Variants in ABCC6 observed in about 807,000 individuals in gnomAD.
The protein encoded by ABCC6 is ATP binding cassette subfamily C member 6.
A neutral mutation model predicts 169.5 loss-of-function variants in ABCC6; 126 were observed. The ratio of observed to expected loss-of-function variants is 0.74; its 90% CI spans 0.64 to 0.86. The LOEUF is 0.86. ABCC6 is among the 40% of genes least tolerant of loss of function. The pLI is 0.00. For missense variants in ABCC6, 1,733 were observed against 1,927.2 expected (o/e 0.90, Z 1.89); for synonymous variants, 752 against 814.7 (o/e 0.92, Z 1.31).
At chr16:16,189,499 C>T (rs1395018315) in intron 12 of ABCC6, among the ~76,000 whole-genome samples, 8 of 151,322 alleles carry the variant, frequency 5.3e-5, no homozygotes, top group African/African-American at 1.9e-4. Context: ...CTCACTGCAA[C>T]CTCTGCCTCC....
At chr16:16,201,174 C>T (rs1158974941) in intron 9 of ABCC6, among the ~76,000 whole-genome samples, 1 of 152,076 alleles carries the variant, frequency 6.6e-6, no homozygotes, top group Admixed American at 6.6e-5. Flanking sequence ...GCCATGTTGG[C>T]CAGGCTGGTC....
Position 16,188,835 on chromosome 16 carries a change from A to C in ABCC6, c.1775T>G (p.Val592Gly), listed in dbSNP as rs753035055. The change falls in exon 13 of 31, where the codon GTC (valine) becomes GGC (glycine). Residue 592 changes from valine (V) to glycine (G), a missense_variant. This residue lies in a region of ABCC6 where 1,601 missense variants were observed against 1,635.5 expected (regional missense o/e 0.98). Transcript: ENST00000205557. Reference sequence around the variant, plus strand: ...CAGCCCTTGCACCCACCTCACCTGGACGAGGGAGTGGATGGAGAAGGGCAG... The same window carrying C: ...CAGCCCTTGCACCCACCTCACCTGGCCGAGGGAGTGGATGGAGAAGGGCAG... ...AFLPFSIHSL[V>G]QARVSFDRLV... 1.2e-6 allele frequency: 2 copies of C among 1,613,696 alleles called. No individual in the cohort carries two copies. Among genetic ancestry groups the C allele is most frequent in the Non-Finnish European group, 1.7e-6 (2 of 1,179,848 alleles).
chr16:16,191,335 T>A (rs1200367712), intron 11 of ABCC6, among the ~76,000 whole-genome samples: 1 of 152,086 alleles, frequency 6.6e-6, no homozygotes, highest in East Asian at 1.9e-4. Context: ...AGGCTGGTTT[T>A]GAACTCCTGA....
rs1402343726 is a variant in ABCC6 at position 16,178,648 on chromosome 16, A to C, written c.2415+150T>G. On this transcript the variant is annotated intron_variant, in intron 18 of 30. Transcript: ENST00000205557. ...CTGGGATCTGGGGGTTGTTTGTTAC[A>C]TAGCATTGTCACAGCAAAAGCTGAC... 21 of 909,594 alleles carry C rather than the reference A, an allele frequency of 2.3e-5. 1 individual carries two copies. The South Asian group carries it at 2.6e-4, about 11-fold the overall frequency. 56.3% of individuals were successfully genotyped at this position (909,594 alleles called of 1,614,324 possible).
In ABCC6 at chr16:16,165,133, G is replaced by A. The variant is rs116150244; in HGVS notation, c.3306+490C>T. ...CCCTTAATATTTAACTGTGCCGTGGGGCACAGGGGCTCATGCCCTGTAATC... is the reference window on the plus strand; with the variant it reads ...CCCTTAATATTTAACTGTGCCGTGGAGCACAGGGGCTCATGCCCTGTAATC... On this transcript the variant is annotated intron_variant, in intron 23 of 30. Coordinates refer to ENST00000205557, the MANE Select transcript of ABCC6 (RefSeq NM_001171.6). 9.0e-3 allele frequency among the ~76,000 whole-genome samples: 1,367 copies of A among 152,346 alleles called. 19 individuals are homozygous for A. Among genetic ancestry groups the A allele is most frequent in the African/African-American group, 0.031 (1,272 of 41,584 alleles).
At chr16:16,164,228 C>T (rs1292865768) in intron 23 of ABCC6, among the ~76,000 whole-genome samples, 3 of 152,102 alleles carry the variant, frequency 2.0e-5, no homozygotes, top group Non-Finnish European at 2.9e-5. Context: ...GACGGAGTTT[C>T]ACCATGTTGA....
chr16:16,150,223 C>G lies in ABCC6; in HGVS notation c.4422G>C (p.Lys1474Asn), dbSNP rs2046348000. ...GGCTGCCGCTCTCTGCCACCTGCCCCTTGTCCATGACCAGAACCCTGTGGG... is the reference window on the plus strand; with the variant it reads ...GGCTGCCGCTCTCTGCCACCTGCCCGTTGTCCATGACCAGAACCCTGTGGG... ...MDCARVLVMD[K>N]GQVAESGSPA... The change falls in exon 31 of 31, where the codon AAG becomes AAC. Residue 1474 changes from lysine (K) to asparagine (N), a missense_variant. Physicochemically the swap from Lys to Asn is moderately conservative, Grantham distance 94 (BLOSUM62 0). Transcript: ENST00000205557. 1 of 1,614,092 alleles carries G rather than the reference C, an allele frequency of 6.2e-7. No homozygotes were observed. Among genetic ancestry groups the G allele is most frequent in the Non-Finnish European group, 8.5e-7 (1 of 1,180,034 alleles).
intron 17 of ABCC6, 45 bp downstream of exon 17, chr16:16,182,367 C>A: frequency 6.2e-7 from 1 of 1,611,368 alleles, no homozygotes; most frequent in South Asian, 1.1e-5. Flanking sequence ...AAATGACTCC[C>A]AACTGCAATG....
Position 16,157,826 on chromosome 16 carries a change from A to T in ABCC6, c.3736-17T>A, listed in dbSNP as rs2046600209. ...CCAGGGAGCCTGGAGCAGGAGGGGAAACTGAGTCAGAGGAGCCTTCCTCTA... is the reference window on the plus strand; with the variant it reads ...CCAGGGAGCCTGGAGCAGGAGGGGATACTGAGTCAGAGGAGCCTTCCTCTA... On this transcript the variant is annotated splice_polypyrimidine_tract_variant and intron_variant, in intron 26 of 30. Coordinates refer to ENST00000205557, the MANE Select transcript of ABCC6 (RefSeq NM_001171.6). 3 of 1,605,700 alleles carry T rather than the reference A, an allele frequency of 1.9e-6. No individual in the cohort carries two copies. The South Asian group carries it at 3.3e-5, about 18-fold the overall frequency.
rs2047265773 is a variant in ABCC6, at chr16:16,175,962, T to C, written c.2615A>G (p.Lys872Arg). 1 of 1,614,034 alleles carries C rather than the reference T, an allele frequency of 6.2e-7. No individual in the cohort carries two copies. The stretch of plus-strand genomic sequence containing the variant: ...GCCTGCAGAGGTGCCTCTGGGGTCC[T>C]TGGTGCTGGTCCCAGGTTCTGTTTC... ...EGETEPGTST[K>R]DPRGTSAGRR... Residue 872 changes from lysine to arginine, a missense_variant, in exon 20 of 31, where the codon AAG becomes AGG. This residue lies in a region of ABCC6 where 1,601 missense variants were observed against 1,635.5 expected (regional missense o/e 0.98). Coordinates refer to ENST00000205557, the MANE Select transcript of ABCC6 (RefSeq NM_001171.6).
At position 16,154,648 on chromosome 16, in the gene ABCC6, A is replaced by G; in HGVS notation, c.4188T>C (p.Ala1396=). ...SLPGQLQYKC[A]DRGEDLSVGQ... ...CATACCTCAGGTCCTCGCCTCGGTC[A>G]GCACACTTGTACTGCAGCTGGCCGG... The change falls in exon 29 of 31, where the codon GCT becomes GCC. Residue 1396 remains alanine (A), a synonymous_variant. Coordinates refer to ENST00000205557, the MANE Select transcript of ABCC6 (RefSeq NM_001171.6). The G allele has an allele frequency of 6.2e-7, 1 of 1,612,604 alleles. No individual in the cohort carries two copies.
chr16:16,183,580 G>T (rs552005335), intron 15 of ABCC6, among the ~76,000 whole-genome samples: 185 of 152,308 alleles, frequency 1.2e-3, no homozygotes, highest in African/African-American at 4.3e-3. Context: ...TCCGCTCTGT[G>T]CCTCAGCTGC....
In ABCC6 at chr16:16,149,842, G is replaced by A. The variant is rs2046339214; in HGVS notation, c.*291C>T. The A allele has an allele frequency of 3.9e-6, 2 of 518,374 alleles. No homozygotes were observed. The highest frequency in any genetic ancestry group is 2.1e-5 in the South Asian group (1 of 47,504). 32.1% of individuals were successfully genotyped at this position (518,374 alleles called of 1,614,324 possible). ...CCGGGAGCCTGGGCATGTGCTTGAG[G>A]CCCCCAGGTGAGTCCAGAGTACAGC... is the stretch of plus-strand genomic sequence containing the variant. On this transcript the variant is annotated 3_prime_UTR_variant, in exon 31 of 31. Transcript: ENST00000205557.
At chr16:16,217,091 C>G (rs1378940266) in intron 4 of ABCC6, among the ~76,000 whole-genome samples, 1 of 152,188 alleles carries the variant, frequency 6.6e-6, no homozygotes, top group Non-Finnish European at 1.5e-5. Flanking sequence ...TTTCATTAAG[C>G]TAGTGTGAAC....
intron 19 of ABCC6, 154 bp downstream of exon 19, chr16:16,177,297 AG>A: frequency 1.2e-6 from 1 of 814,252 alleles, no homozygotes; most frequent in Non-Finnish European, 2.1e-6. Flanking sequence ...TCTTGGAGAA[AG>A]GTGACCTATT....
chr16:16,169,658 C>T lies in ABCC6; in HGVS notation c.2983G>A (p.Gly995Ser), dbSNP rs748500800. ...ALRGGIFGLL[G>S]CLQAIGLFAS... is the part of the protein sequence containing the mutation. ...AGGTGAGGCGTACCTTGGAGACAGCCGAGGAGCCCGAAGATCCCGCCACGC... is the reference window on the plus strand; with the variant it reads ...AGGTGAGGCGTACCTTGGAGACAGCTGAGGAGCCCGAAGATCCCGCCACGC... The change falls in exon 22 of 31, where the codon GGC becomes AGC. Residue 995 changes from glycine (G) to serine (S), a missense_variant. Physicochemically the swap from Gly to Ser is moderately conservative, Grantham distance 56. Around this residue, in one of 5 missense-constraint regions of ABCC6, gnomAD observed 1,601 missense variants for 1,635.5 expected, o/e 0.98. Transcript: ENST00000205557. The T allele has an allele frequency of 1.5e-5, 24 of 1,610,672 alleles. No individual in the cohort carries two copies. The highest frequency in any genetic ancestry group is 8.9e-5 in the East Asian group (4 of 44,854).
rs1223801181 is a variant in ABCC6, at chr16:16,150,059, C to T, written c.*74G>A. Reference sequence around the variant, plus strand: ...AATATCGTGTGGAGCTATCGATGACCACGGGTCACTTCCATCTCCAGCACT... The same window carrying T: ...AATATCGTGTGGAGCTATCGATGACTACGGGTCACTTCCATCTCCAGCACT... On this transcript the variant is annotated 3_prime_UTR_variant, in exon 31 of 31. Transcript: ENST00000205557. The T allele has an allele frequency of 1.9e-6, 3 of 1,592,470 alleles. No individual in the cohort carries two copies. The highest frequency in any genetic ancestry group is 2.7e-5 in the African/African-American group (2 of 74,542).
intron 21 of ABCC6, among the ~76,000 whole-genome samples, chr16:16,170,224 C>T (rs1219700913): frequency 6.6e-6 from 1 of 152,006 alleles, no homozygotes; most frequent in Non-Finnish European, 1.5e-5. Flanking sequence ...CCTCAGCCTC[C>T]CGAGTAGTCA....
chr16:16,216,241 T>G (rs1403796666), intron 4 of ABCC6, among the ~76,000 whole-genome samples: 1 of 152,166 alleles, frequency 6.6e-6, no homozygotes, highest in African/African-American at 2.4e-5. Context: ...TATTTTAAAA[T>G]GTACAATTAA....
Sources: gnomAD v4.1 joint callset for allele counts (sites outside exome capture counted in the v4.1 genomes callset) on GRCh38, gnomAD v4.1.1 for gene constraint, gnomAD v4.1.1 regional missense constraint, MANE v1.5 for transcripts, NCBI Gene and HGNC (gene_info 2026-07-23, HGNC 2026-07-21) for gene names.